LRRC4C: variants seen among roughly 807,000 people sequenced by gnomAD.
LRRC4C encodes the protein leucine-rich repeat-containing protein 4C.
In LRRC4C, 5 loss-of-function variants were observed where a neutral mutation model predicts 33.6. The observed-to-expected ratio is 0.15, with a 90% CI of 0.08 to 0.31. The LOEUF (loss-of-function observed/expected upper bound fraction) is 0.31, where lower values mean the gene tolerates loss of function less well. Among genes scored for constraint, LRRC4C ranks in the 10% least tolerant of loss-of-function variants. LRRC4C has a pLI of 1.00. For synonymous variants in LRRC4C, 329 were observed against 302.0 expected (o/e 1.09, Z -0.93); for missense variants, 560 against 796.7 (o/e 0.70, Z 3.58).
intron 1 of LRRC4C, among the ~76,000 whole-genome samples, chr11:41,290,339 G>T (rs1949955583): frequency 6.6e-6 from 1 of 152,136 alleles, no homozygotes; most frequent in Non-Finnish European, 1.5e-5. Context: ...TATCATGCAA[G>T]AATAAAAACT....
chr11:40,295,835 T>A (rs903148376), intron 4 of LRRC4C, among the ~76,000 whole-genome samples: 2 of 152,230 alleles, frequency 1.3e-5, no homozygotes, highest in Admixed American at 1.3e-4. Context: ...ATTGATTGAT[T>A]CAAAACACTA....
chr11:41,112,583 T>G (rs1275637421), intron 1 of LRRC4C, among the ~76,000 whole-genome samples: 4 of 152,048 alleles, frequency 2.6e-5, no homozygotes, highest in South Asian at 2.1e-4. Context: ...CCTTTAAAAT[T>G]TTATAAACAA....
chr11:40,504,539 T>C (rs1954938897), intron 3 of LRRC4C, among the ~76,000 whole-genome samples: 1 of 152,078 alleles, frequency 6.6e-6, no homozygotes, highest in African/African-American at 2.4e-5. Flanking sequence ...TTTGAATCTT[T>C]ATATTAGTGT....
intron 3 of LRRC4C, among the ~76,000 whole-genome samples, chr11:40,363,903 C>T (rs527906762): frequency 2.1e-4 from 32 of 152,300 alleles, no homozygotes; most frequent in African/African-American, 7.5e-4. Context: ...GCGCCTATGA[C>T]TTGCCATTGC....
At chr11:41,455,287 C>T (rs923182286) in intron 1 of LRRC4C, among the ~76,000 whole-genome samples, 1 of 152,022 alleles carries the variant, frequency 6.6e-6, no homozygotes, top group Non-Finnish European at 1.5e-5. Context: ...TGCAAACTTG[C>T]TAGTAGTCTG....
chr11:40,898,568 AGAAG>A (rs1332561209), intron 2 of LRRC4C, among the ~76,000 whole-genome samples: 1 of 151,856 alleles, frequency 6.6e-6, no homozygotes, highest in Admixed American at 6.6e-5. Flanking sequence ...CAAAAAGAAA[AGAAG>A]GAAGAAAAAG....
intron 1 of LRRC4C, among the ~76,000 whole-genome samples, chr11:41,056,231 A>C (rs1334083837): frequency 6.6e-6 from 1 of 152,120 alleles, no homozygotes; most frequent in Non-Finnish European, 1.5e-5. Context: ...CTTAAATATG[A>C]CTCCAGCCCT....
intron 1 of LRRC4C, among the ~76,000 whole-genome samples, chr11:41,110,784 A>C (rs2135699268): frequency 6.6e-6 from 1 of 152,208 alleles, no homozygotes; most frequent in African/African-American, 2.4e-5. Flanking sequence ...ACACAAAGTC[A>C]CAACTGGGTG....
intron 1 of LRRC4C, among the ~76,000 whole-genome samples, chr11:41,217,579 C>A (rs1947113601): frequency 6.6e-6 from 1 of 152,042 alleles, no homozygotes; most frequent in African/African-American, 2.4e-5. Flanking sequence ...GAATTGTATT[C>A]TAAAAATAGA....
intron 3 of LRRC4C, among the ~76,000 whole-genome samples, chr11:40,545,055 T>C (rs1956860137): frequency 6.6e-6 from 1 of 152,044 alleles, no homozygotes; most frequent in Non-Finnish European, 1.5e-5. Context: ...AATTTCCTTC[T>C]GGCTTTTAAG....
rs562981733 is a variant in LRRC4C, at chr11:40,354,420, G to A, written c.-269-34699C>T. ...GGCAGGCTTATGTCCTTCCTTTCAG[G>A]GAAGTGAGATCCCTGCTGGCCCAGG... On this transcript the variant is annotated intron_variant, in intron 3 of 6. Transcript: ENST00000528697. 3.9e-5 allele frequency among the ~76,000 whole-genome samples: 6 copies of A among 152,218 alleles called. No individual in the cohort carries two copies. In the South Asian group the frequency reaches 1.2e-3, roughly 32 times the overall value.
chr11:40,778,321 C>T (rs1460925293), intron 2 of LRRC4C, among the ~76,000 whole-genome samples: 1 of 152,116 alleles, frequency 6.6e-6, no homozygotes, highest in Non-Finnish European at 1.5e-5. Flanking sequence ...TGGCTAAGCA[C>T]AGATTCACTT....
intron 2 of LRRC4C, among the ~76,000 whole-genome samples, chr11:40,697,378 C>CA (rs1259482119): frequency 4.0e-5 from 6 of 151,630 alleles, no homozygotes; most frequent in East Asian, 1.9e-4. Flanking sequence ...TTTAAGGATC[C>CA]AAAAAAAATT....
intron 3 of LRRC4C, among the ~76,000 whole-genome samples, chr11:40,612,647 A>AT (rs1197955023): frequency 1.3e-5 from 2 of 151,954 alleles, no homozygotes; most frequent in South Asian, 2.1e-4. Context: ...AAACATGAGT[A>AT]TTTTTTAAAG....
At chr11:40,394,035 A>G (rs1424299045) in intron 3 of LRRC4C, among the ~76,000 whole-genome samples, 1 of 152,034 alleles carries the variant, frequency 6.6e-6, no homozygotes, top group Non-Finnish European at 1.5e-5. Context: ...GAAGGGGATA[A>G]AAATAGGCCA....
At chr11:41,380,665 A>G (rs1190044185) in intron 1 of LRRC4C, among the ~76,000 whole-genome samples, 1 of 152,198 alleles carries the variant, frequency 6.6e-6, no homozygotes, top group Admixed American at 6.6e-5. Context: ...ATGGGAACCC[A>G]TAAAGAAAAA....
At chr11:40,509,521 C>A (rs1167957157) in intron 3 of LRRC4C, among the ~76,000 whole-genome samples, 1 of 149,924 alleles carries the variant, frequency 6.7e-6, no homozygotes, top group Non-Finnish European at 1.5e-5. Flanking sequence ...TTTTTTTTTG[C>A]GAAATGACCA....
chr11:40,410,811 T>C (rs16934810), intron 3 of LRRC4C, among the ~76,000 whole-genome samples: 2,712 of 152,266 alleles, frequency 0.018, 85 homozygotes, highest in African/African-American at 0.062. Flanking sequence ...AGAAATGTCA[T>C]GTTTTTTTGC....
intron 2 of LRRC4C, among the ~76,000 whole-genome samples, chr11:40,758,333 T>G (rs1324798556): frequency 6.6e-6 from 1 of 152,000 alleles, no homozygotes; most frequent in Non-Finnish European, 1.5e-5. Flanking sequence ...TATTAACTGC[T>G]CAAGGGATGA....
Sources: allele counts gnomAD v4.1 joint callset (sites outside exome capture counted in the v4.1 genomes callset), GRCh38; gene constraint gnomAD v4.1.1; transcripts MANE v1.5; gene names NCBI Gene and HGNC (gene_info 2026-07-23, HGNC 2026-07-21).